Variants in PSPC1 observed in about 807,000 individuals in gnomAD.
PSPC1 encodes paraspeckle protein 1.
A neutral mutation model predicts 51.6 loss-of-function variants in PSPC1; 14 were observed. The observed-to-expected ratio is 0.27, with a 90% CI of 0.18 to 0.42. PSPC1 has a LOEUF of 0.42. Among genes scored for constraint, PSPC1 ranks in the 10% least tolerant of loss-of-function variants. The probability of loss-of-function intolerance (pLI) is 1.00; values close to 1 mark genes in which losing one functional copy is unlikely to be tolerated. For synonymous variants in PSPC1, 193 were observed against 231.9 expected (o/e 0.83, Z 1.53); for missense variants, 406 against 701.1 (o/e 0.58, Z 4.75).
At chr13:19,680,755 C>T (rs1947284534) in intron 6 of PSPC1, among the ~76,000 whole-genome samples, 1 of 152,278 alleles carries the variant, frequency 6.6e-6, no homozygotes, top group Non-Finnish European at 1.5e-5. Context: ...CTAAGAACTA[C>T]CCACACATTA....
chr13:19,725,479 G>A (rs550943681), intron 6 of PSPC1, among the ~76,000 whole-genome samples: 1 of 152,244 alleles, frequency 6.6e-6, no homozygotes, highest in East Asian at 1.9e-4. Context: ...GGATTCAGAG[G>A]TCAGCAAACA....
At chr13:19,708,536 A>G (rs1026031091) in intron 7 of PSPC1, among the ~76,000 whole-genome samples, 3 of 152,138 alleles carry the variant, frequency 2.0e-5, no homozygotes, top group Non-Finnish European at 2.9e-5. Flanking sequence ...CCTTCAGGTT[A>G]TTTACTTGGC....
At chr13:19,777,161 C>A (rs1889235666) in intron 1 of PSPC1, among the ~76,000 whole-genome samples, 1 of 136,896 alleles carries the variant, frequency 7.3e-6, no homozygotes, top group Non-Finnish European at 1.5e-5. Context: ...GTGGCTCACA[C>A]CTGTACACCT....
chr13:19,747,688 T>G (rs1886136236), intron 4 of PSPC1, among the ~76,000 whole-genome samples: 1 of 152,210 alleles, frequency 6.6e-6, no homozygotes, highest in Non-Finnish European at 1.5e-5. Flanking sequence ...CAAAAACATC[T>G]AATGACATAT....
intron 2 of PSPC1, among the ~76,000 whole-genome samples, chr13:19,768,067 T>A: frequency 6.6e-6 from 1 of 151,190 alleles, no homozygotes; most frequent in Non-Finnish European, 1.5e-5. Flanking sequence ...TAAAAAAAAA[T>A]TCAAAAAATT....
intron 6 of PSPC1, among the ~76,000 whole-genome samples, chr13:19,721,300 A>G (rs1324044029): frequency 3.3e-5 from 5 of 152,234 alleles, no homozygotes; most frequent in Non-Finnish European, 5.9e-5. Flanking sequence ...ATTATTAGTT[A>G]TATTATACAC....
intron 7 of PSPC1, among the ~76,000 whole-genome samples, chr13:19,677,247 AAAAG>A (rs1403471286): frequency 6.6e-6 from 1 of 152,102 alleles, no homozygotes; most frequent in African/African-American, 2.4e-5. Context: ...AAAAAAAAAA[AAAAG>A]AGATTACATA....
chr13:19,727,543 T>C (rs1883503406), intron 6 of PSPC1, among the ~76,000 whole-genome samples: 1 of 152,216 alleles, frequency 6.6e-6, no homozygotes. Flanking sequence ...GTTTGGATAT[T>C]TTTATGACAT....
At chr13:19,708,327 G>C (rs1202675448) in intron 7 of PSPC1, among the ~76,000 whole-genome samples, 1 of 152,208 alleles carries the variant, frequency 6.6e-6, no homozygotes, top group Non-Finnish European at 1.5e-5. Flanking sequence ...TGCCATGGTA[G>C]TGTAATCTTT....
chr13:19,679,161 A>AT (rs1316197402), intron 6 of PSPC1: 3 of 152,204 alleles, frequency 2.0e-5, no homozygotes, highest in Non-Finnish European at 4.4e-5. Context: ...CAAGCTCTGA[A>AT]TTTATAGACT....
intron 6 of PSPC1, among the ~76,000 whole-genome samples, chr13:19,680,423 G>A (rs1181427534): frequency 6.6e-6 from 1 of 152,164 alleles, no homozygotes; most frequent in Non-Finnish European, 1.5e-5. Context: ...TGACAAGGCT[G>A]ATTGTACATT....
intron 2 of PSPC1, among the ~76,000 whole-genome samples, chr13:19,759,940 A>C (rs1290913096): frequency 2.0e-5 from 3 of 152,136 alleles, no homozygotes; most frequent in African/African-American, 7.2e-5. Flanking sequence ...AAAGATGAGT[A>C]AATAAAGCAA....
intron 6 of PSPC1, among the ~76,000 whole-genome samples, chr13:19,713,378 G>A (rs1270966430): frequency 1.3e-5 from 2 of 151,894 alleles, no homozygotes; most frequent in Non-Finnish European, 2.9e-5. Flanking sequence ...TAGACATAAT[G>A]AAACTGAGGC....
intron 7 of PSPC1, among the ~76,000 whole-genome samples, chr13:19,708,123 CAAGTAA>C (rs1192036049): frequency 1.3e-5 from 2 of 151,970 alleles, no homozygotes; most frequent in East Asian, 3.9e-4. Context: ...AAAAAGTGAC[CAAGTAA>C]AACAGCAATA....
At chr13:19,723,184 A>G (rs1882979036) in intron 6 of PSPC1, among the ~76,000 whole-genome samples, 2 of 152,236 alleles carry the variant, frequency 1.3e-5, no homozygotes, top group South Asian at 2.1e-4. Flanking sequence ...GAAGAAACAC[A>G]TGACCTGAGT....
chr13:19,742,275 A>AAC (rs1491079427), intron 4 of PSPC1, among the ~76,000 whole-genome samples: 2 of 147,790 alleles, frequency 1.4e-5, no homozygotes, highest in African/African-American at 2.5e-5. Flanking sequence ...AAAAAAAAAA[A>AAC]ACAAACAAAT....
In PSPC1 at chr13:19,751,095, G is replaced by GT. The variant is rs367830255; in HGVS notation, c.967+175dup. ...GTAAAACTAACTTTTAGTAAGTTGT[G>GT]TTCTTTTTTTTAAGGGAAGTTATCT... On this transcript the variant is annotated intron_variant, in intron 4 of 8. Coordinates refer to ENST00000338910, the MANE Select transcript of PSPC1 (RefSeq NM_001354909.2). Among the ~76,000 whole-genome samples the GT allele has an allele frequency of 1.8e-3, 263 of 148,468 alleles. 1 individual carries two copies. The highest frequency in any genetic ancestry group is 2.5e-3 in the Non-Finnish European group (169 of 66,866).
At chr13:19,759,993 G>A (rs1887460758) in intron 2 of PSPC1, among the ~76,000 whole-genome samples, 1 of 152,064 alleles carries the variant, frequency 6.6e-6, no homozygotes, top group Non-Finnish European at 1.5e-5. Flanking sequence ...CATTTAGAAA[G>A]TATAATGAAA....
intron 1 of PSPC1, among the ~76,000 whole-genome samples, chr13:19,778,015 G>A (rs1018132402): frequency 3.3e-5 from 5 of 151,694 alleles, no homozygotes; most frequent in Admixed American, 1.3e-4. Flanking sequence ...AGGCCAAGGC[G>A]GGCGGATCAC....
Sources: allele counts gnomAD v4.1 joint callset (sites outside exome capture counted in the v4.1 genomes callset), GRCh38; gene constraint gnomAD v4.1.1; transcripts MANE v1.5; gene names NCBI Gene and HGNC (gene_info 2026-07-23, HGNC 2026-07-21).